ARB2A: variants seen among roughly 807,000 people sequenced by gnomAD.
ARB2A encodes cotranscriptional regulator ARB2A.
the ARB2A span, among the ~76,000 whole-genome samples, chr5:93,834,770 C>G: frequency 0.71 from 108,506 of 152,064 alleles, 40,347 homozygotes; most frequent in South Asian, 0.85. Context: ...TTCCAACCCA[C>G]AGTCCACATT....
chr5:93,851,505 A>G, the ARB2A span, among the ~76,000 whole-genome samples: 1 of 152,164 alleles, frequency 6.6e-6, no homozygotes, highest in Non-Finnish European at 1.5e-5. Flanking sequence ...CACAATGTGC[A>G]GGTTAGTTAC....
At chr5:93,827,087 T>A in the ARB2A span, among the ~76,000 whole-genome samples, 5 of 152,114 alleles carry the variant, frequency 3.3e-5, no homozygotes, top group African/African-American at 7.2e-5. Context: ...GCAGCATGAT[T>A]TATAATCCTT....
At chr5:94,090,510 CTTTA>C in the ARB2A span, among the ~76,000 whole-genome samples, 7 of 152,108 alleles carry the variant, frequency 4.6e-5, no homozygotes, top group Admixed American at 2.0e-4. Flanking sequence ...TTTGAATACC[CTTTA>C]TTTATTTTTC....
At chr5:93,854,835 AT>A in the ARB2A span, among the ~76,000 whole-genome samples, 2 of 152,080 alleles carry the variant, frequency 1.3e-5, no homozygotes, top group Non-Finnish European at 2.9e-5. Flanking sequence ...GTTTCTTATA[AT>A]TTCTGTTCTT....
the ARB2A span, among the ~76,000 whole-genome samples, chr5:94,088,253 C>A: frequency 6.6e-6 from 1 of 152,214 alleles, no homozygotes; most frequent in Middle Eastern, 3.4e-3. Context: ...TCAAACGGAA[C>A]TAGTATTTTG....
the ARB2A span, among the ~76,000 whole-genome samples, chr5:93,819,257 T>G: frequency 7.9e-5 from 12 of 150,982 alleles, no homozygotes; most frequent in East Asian, 2.2e-3. Context: ...TTAAGACTAC[T>G]CATGTTGTTG....
the ARB2A span, chr5:93,784,371 A>C: frequency 6.2e-6 from 10 of 1,606,666 alleles, no homozygotes; most frequent in South Asian, 2.2e-5. Context: ...ACTAAAAAAA[A>C]CCAAGTCTCA....
chr5:93,867,120 G>A, the ARB2A span, among the ~76,000 whole-genome samples: 1 of 152,064 alleles, frequency 6.6e-6, no homozygotes, highest in East Asian at 1.9e-4. Context: ...TAGTTCTAAT[G>A]TTAAATTTGT....
chr5:93,842,652 G>C, the ARB2A span, among the ~76,000 whole-genome samples: 188 of 152,316 alleles, frequency 1.2e-3, no homozygotes, highest in African/African-American at 4.3e-3. Flanking sequence ...CAAGCTGGCA[G>C]TGGGAAAGCT....
the ARB2A span, among the ~76,000 whole-genome samples, chr5:93,646,688 TA>T: frequency 7.9e-3 from 1,188 of 149,606 alleles, 16 homozygotes; most frequent in African/African-American, 0.027. Context: ...AGATTCTCTT[TA>T]AAAAAAAAAT....
At chr5:93,686,997 A>G in the ARB2A span, among the ~76,000 whole-genome samples, 249 of 152,300 alleles carry the variant, frequency 1.6e-3, 4 homozygotes, top group East Asian at 0.045. Flanking sequence ...TTGGCTTAGA[A>G]AAAAACCTTA....
At chr5:94,012,597 C>A in the ARB2A span, among the ~76,000 whole-genome samples, 1 of 152,160 alleles carries the variant, frequency 6.6e-6, no homozygotes, top group Non-Finnish European at 1.5e-5. Context: ...GCTAAATCAG[C>A]GGAACCTCAG....
At chr5:93,701,156 G>A in the ARB2A span, among the ~76,000 whole-genome samples, 1 of 152,130 alleles carries the variant, frequency 6.6e-6, no homozygotes, top group African/African-American at 2.4e-5. Flanking sequence ...CATTTGACGT[G>A]CTGTAGTGTT....
At chr5:93,865,362 G>A in the ARB2A span, 5 of 984,198 alleles carry the variant, frequency 5.1e-6, no homozygotes, top group African/African-American at 8.7e-5. Flanking sequence ...ATTACAGCAT[G>A]AGCCACCGCG....
the ARB2A span, among the ~76,000 whole-genome samples, chr5:93,869,180 C>G: frequency 2.0e-5 from 3 of 152,166 alleles, no homozygotes; most frequent in East Asian, 5.8e-4. Flanking sequence ...ACACAAACAA[C>G]TACTGCTTCT....
chr5:93,743,019 T>C, the ARB2A span: 1 of 152,216 alleles, frequency 6.6e-6, no homozygotes, highest in Admixed American at 6.5e-5. Context: ...AAATCTTATG[T>C]ACTGGGACTC....
At chr5:93,640,317 T>C in the ARB2A span, among the ~76,000 whole-genome samples, 31 of 150,124 alleles carry the variant, frequency 2.1e-4, no homozygotes, top group Non-Finnish European at 4.2e-4. Flanking sequence ...GGCATAGTGG[T>C]GGGTGCCTGT....
chr5:93,774,777 A>G, the ARB2A span, among the ~76,000 whole-genome samples: 2 of 152,192 alleles, frequency 1.3e-5, no homozygotes. Context: ...CATGAGCTCA[A>G]TGTTAATGAA....
chr5:94,026,676 G>C, the ARB2A span, among the ~76,000 whole-genome samples: 2 of 152,270 alleles, frequency 1.3e-5, no homozygotes, highest in African/African-American at 2.4e-5. Context: ...AGTAAAGTAC[G>C]CCAAATGGGA....
Sources: gnomAD v4.1 joint callset for allele counts (sites outside exome capture counted in the v4.1 genomes callset) on GRCh38, gnomAD v4.1.1 for gene constraint, MANE v1.5 for transcripts, NCBI Gene and HGNC (gene_info 2026-07-23, HGNC 2026-07-21) for gene names.